THSD7B: variants seen among roughly 807,000 people sequenced by gnomAD.
THSD7B encodes the protein thrombospondin type-1 domain-containing protein 7B.
THSD7B carries 138 observed loss-of-function variants against 213.6 expected under a neutral mutation model. The observed-to-expected ratio is 0.65, with a 90% CI of 0.56 to 0.74. THSD7B has a LOEUF of 0.74. THSD7B is among the 30% of genes least tolerant of loss of function. THSD7B has a pLI of 0.00. For synonymous variants in THSD7B, 742 were observed against 687.0 expected, an observed-to-expected ratio of 1.08 and a Z score of -1.25; for missense variants, 1,931 against 1,991.5, an observed-to-expected ratio of 0.97 and a Z score of 0.58.
At chr2:137,191,532 GGGTTTTAGTA>G (rs1680659624) in intron 7 of THSD7B, among the ~76,000 whole-genome samples, 1 of 151,844 alleles carries the variant, frequency 6.6e-6, no homozygotes, top group Admixed American at 6.6e-5. Flanking sequence ...CCAGATGTCT[GGGTTTTAGTA>G]AGCTGCATGA....
At chr2:137,249,033 G>A (rs10754924) in intron 10 of THSD7B, among the ~76,000 whole-genome samples, 92,987 of 151,790 alleles carry the variant, frequency 0.61, 29,231 homozygotes, top group East Asian at 0.95. Flanking sequence ...TCCATAGATC[G>A]CTACATGGTC....
At chr2:137,266,139 C>CTTTTCT (rs1405759224) in intron 10 of THSD7B, among the ~76,000 whole-genome samples, 1 of 152,102 alleles carries the variant, frequency 6.6e-6, no homozygotes. Flanking sequence ...TAAAATCTTT[C>CTTTTCT]TTTTCTTTCT....
At chr2:137,205,771 T>A (rs1270753773) in intron 7 of THSD7B, among the ~76,000 whole-genome samples, 1 of 152,048 alleles carries the variant, frequency 6.6e-6, no homozygotes, top group East Asian at 1.9e-4. Context: ...ACTTTTAACA[T>A]CATGTGAGTC....
intron 2 of THSD7B, among the ~76,000 whole-genome samples, chr2:136,893,790 A>C (rs1305193682): frequency 6.6e-6 from 1 of 152,192 alleles, no homozygotes; most frequent in Non-Finnish European, 1.5e-5. Flanking sequence ...TGCTGTAGAT[A>C]TTAGGGCCAC....
chr2:136,997,587 G>T (rs1420664812), intron 2 of THSD7B, among the ~76,000 whole-genome samples: 1 of 152,210 alleles, frequency 6.6e-6, no homozygotes, highest in Non-Finnish European at 1.5e-5. Context: ...AGTGGGAAGA[G>T]GATGTGATAA....
At chr2:136,968,600 G>A (rs1685356273) in intron 2 of THSD7B, among the ~76,000 whole-genome samples, 1 of 152,062 alleles carries the variant, frequency 6.6e-6, no homozygotes, top group Admixed American at 6.6e-5. Context: ...AAAGTGAGAA[G>A]TTCTTAATTT....
intron 6 of THSD7B, among the ~76,000 whole-genome samples, chr2:137,164,576 C>A (rs917063566): frequency 1.3e-5 from 2 of 152,186 alleles, no homozygotes; most frequent in African/African-American, 2.4e-5. Flanking sequence ...AAGACCCATG[C>A]ACACATATGT....
chr2:137,529,220 G>A (rs1349477765), intron 15 of THSD7B, among the ~76,000 whole-genome samples: 1 of 151,916 alleles, frequency 6.6e-6, no homozygotes, highest in African/African-American at 2.4e-5. Context: ...GGGCAATCTA[G>A]ATATGATCAT....
At chr2:137,044,201 A>G (rs1686929719) in intron 2 of THSD7B, among the ~76,000 whole-genome samples, 1 of 152,206 alleles carries the variant, frequency 6.6e-6, no homozygotes, top group Non-Finnish European at 1.5e-5. Flanking sequence ...CCTGGATATC[A>G]GAGAATGTAA....
At chr2:137,084,711 C>A (rs1036299548) in intron 3 of THSD7B, among the ~76,000 whole-genome samples, 1 of 152,124 alleles carries the variant, frequency 6.6e-6, no homozygotes, top group Non-Finnish European at 1.5e-5. Context: ...AAGGTGGACA[C>A]AACCTGGATT....
intron 10 of THSD7B, among the ~76,000 whole-genome samples, chr2:137,245,469 C>T (rs1682005770): frequency 6.6e-6 from 1 of 152,144 alleles, no homozygotes; most frequent in Non-Finnish European, 1.5e-5. Flanking sequence ...TTCCCGGGTC[C>T]TCAGCCTGTG....
intron 12 of THSD7B, among the ~76,000 whole-genome samples, chr2:137,349,088 G>A (rs1189824928): frequency 4.6e-5 from 7 of 151,570 alleles, no homozygotes; most frequent in Non-Finnish European, 8.9e-5. Flanking sequence ...GTTAGATAAA[G>A]TTAGTGATTT....
At chr2:136,891,643 A>G (rs1429809233) in intron 2 of THSD7B, among the ~76,000 whole-genome samples, 1 of 152,172 alleles carries the variant, frequency 6.6e-6, no homozygotes, top group Non-Finnish European at 1.5e-5. Context: ...TTTCTTTCAT[A>G]TTCGGGAAAG....
chr2:137,626,530 C>A (rs1682635759), intron 20 of THSD7B, among the ~76,000 whole-genome samples: 1 of 151,608 alleles, frequency 6.6e-6, no homozygotes, highest in South Asian at 2.1e-4. Context: ...TTGTTCTCAC[C>A]ATTACCACCT....
chr2:137,448,833 C>CAAA (rs1341459287), intron 14 of THSD7B, among the ~76,000 whole-genome samples: 9 of 149,090 alleles, frequency 6.0e-5, no homozygotes, highest in South Asian at 4.2e-4. Flanking sequence ...ACAACAACAA[C>CAAA]AACAAAAACT....
chr2:137,110,404 T>C (rs186267902), intron 4 of THSD7B, among the ~76,000 whole-genome samples: 37 of 152,338 alleles, frequency 2.4e-4, no homozygotes, highest in African/African-American at 8.9e-4. Context: ...CAGTCTTCCA[T>C]CCATGTCTTT....
intron 15 of THSD7B, among the ~76,000 whole-genome samples, chr2:137,531,334 C>T (rs1427905917): frequency 1.3e-5 from 2 of 151,902 alleles, no homozygotes; most frequent in African/African-American, 2.4e-5. Flanking sequence ...AATATTCTGA[C>T]ACTGATGCCC....
At chr2:137,328,345 G>A (rs1421741118) in intron 12 of THSD7B, among the ~76,000 whole-genome samples, 4 of 152,162 alleles carry the variant, frequency 2.6e-5, no homozygotes, top group Non-Finnish European at 5.9e-5. Context: ...ATTTTTGAAT[G>A]TCCTCTTACT....
At chr2:137,326,384 C>A (rs1418800065) in intron 12 of THSD7B, among the ~76,000 whole-genome samples, 1 of 152,146 alleles carries the variant, frequency 6.6e-6, no homozygotes, top group East Asian at 1.9e-4. Context: ...CCTTTCTTAT[C>A]TTGGCAGTTA....
Sources: gnomAD v4.1 joint callset for allele counts (sites outside exome capture counted in the v4.1 genomes callset) on GRCh38, gnomAD v4.1.1 for gene constraint, MANE v1.5 for transcripts, NCBI Gene and HGNC (gene_info 2026-07-23, HGNC 2026-07-21) for gene names.